CTTNBP2: variants seen among roughly 807,000 people sequenced by gnomAD.
CTTNBP2 encodes cortactin binding protein 2.
Under a neutral mutation model 156.9 loss-of-function variants are expected in CTTNBP2, and 108 were observed. That is an observed-to-expected ratio of 0.69 (90% CI 0.59 to 0.81). The LOEUF (loss-of-function observed/expected upper bound fraction) is 0.81. Ranked by LOEUF, CTTNBP2 falls within the 30% of genes least tolerant of loss-of-function variation. CTTNBP2 has a pLI of 0.00. For synonymous variants in CTTNBP2, 767 were observed against 751.8 expected (o/e 1.02, Z -0.33); for missense variants, 1,924 against 2,035.4 (o/e 0.95, Z 1.05).
At chr7:117,853,869 T>C (rs1803089339) in intron 2 of CTTNBP2, among the ~76,000 whole-genome samples, 1 of 152,208 alleles carries the variant, frequency 6.6e-6, no homozygotes, top group Admixed American at 6.5e-5. Context: ...ATGGTGATCA[T>C]AAACATTTTG....
At chr7:117,732,083 T>C (rs1795433262) in intron 16 of CTTNBP2, among the ~76,000 whole-genome samples, 1 of 152,166 alleles carries the variant, frequency 6.6e-6, no homozygotes, top group South Asian at 2.1e-4. Context: ...TATGTTCACC[T>C]GGTATTAATG....
intron 3 of CTTNBP2, among the ~76,000 whole-genome samples, chr7:117,800,068 C>G (rs1799528974): frequency 1.3e-5 from 2 of 151,418 alleles, no homozygotes; most frequent in African/African-American, 4.8e-5. Flanking sequence ...GATGTCAGTT[C>G]TCACAAAATT....
At position 117,711,656 on chromosome 7, in the gene CTTNBP2, G is replaced by A. The variant is rs1794062784; in HGVS notation, c.4873C>T (p.Gln1625Ter). 2 of 1,613,920 alleles carry A rather than the reference G, an allele frequency of 1.2e-6. No individual in the cohort carries two copies. Among genetic ancestry groups the A allele is most frequent in the Non-Finnish European group, 1.7e-6 (2 of 1,179,928 alleles). The change falls in exon 23 of 23, where the codon CAG becomes TAG. Residue 1625 changes from glutamine (Q) to a stop codon, truncating the protein, a stop_gained. Transcript: ENST00000160373. LOFTEE classifies it high-confidence loss of function. ...CTGCTGCTGCTTCTTTTGGTGTTCT[G>A]GGAACACTGGGTGACTTTACTTCTA... ...VPRSKVTQCS[Q>*]NTKRSSSSSN...
At chr7:117,761,751 G>T (rs1177466259) in intron 9 of CTTNBP2, among the ~76,000 whole-genome samples, 2 of 152,098 alleles carry the variant, frequency 1.3e-5, no homozygotes, top group Non-Finnish European at 2.9e-5. Context: ...TGCATCAAAG[G>T]TATGTTTTTT....
intron 1 of CTTNBP2, among the ~76,000 whole-genome samples, chr7:117,863,010 T>A (rs1352119541): frequency 6.6e-6 from 1 of 152,206 alleles, no homozygotes. Flanking sequence ...TCAGCCAACA[T>A]GAACACTGGT....
chr7:117,835,730 C>T (rs35570750), intron 2 of CTTNBP2, among the ~76,000 whole-genome samples: 1,729 of 152,242 alleles, frequency 0.011, 36 homozygotes, highest in African/African-American at 0.039. Flanking sequence ...AGGGTCTGGT[C>T]GTGCATCTGG....
intron 4 of CTTNBP2, among the ~76,000 whole-genome samples, chr7:117,789,997 A>G (rs986361727): frequency 6.6e-6 from 1 of 152,200 alleles, no homozygotes. Flanking sequence ...TGCTGTCATC[A>G]CCTGATAATT....
intron 21 of CTTNBP2, among the ~76,000 whole-genome samples, chr7:117,718,672 G>C (rs1347296782): frequency 1.3e-5 from 2 of 152,132 alleles, no homozygotes; most frequent in African/African-American, 4.8e-5. Flanking sequence ...TGAGATTTCA[G>C]GTCACTGTTT....
chr7:117,789,810 A>T (rs1343046240), intron 4 of CTTNBP2, among the ~76,000 whole-genome samples: 1 of 152,168 alleles, frequency 6.6e-6, no homozygotes, highest in Non-Finnish European at 1.5e-5. Flanking sequence ...GTAGCAAAAG[A>T]AGTCACCAAA....
intron 6 of CTTNBP2, 64 bp downstream of exon 6, chr7:117,782,798 C>T (rs1185405897): frequency 2.0e-5 from 21 of 1,076,336 alleles, no homozygotes; most frequent in South Asian, 4.2e-5. Context: ...AACTAAAATA[C>T]GTGTGCAAAT....
In CTTNBP2 at chr7:117,760,584, T is replaced by C. The variant is rs1410560559; in HGVS notation, c.3023A>G (p.Asp1008Gly). 6.2e-7 allele frequency: 1 copy of C among 1,614,114 alleles called. No homozygotes were observed. Among genetic ancestry groups the C allele is most frequent in the South Asian group, 1.1e-5 (1 of 91,082 alleles). The change falls in exon 10 of 23, where the codon GAT (aspartate) becomes GGT (glycine). Residue 1008 changes from aspartate (D) to glycine (G), a missense_variant. By Grantham distance (94) the Asp-to-Gly change is moderately conservative. Transcript: ENST00000160373. Reference protein sequence around the residue: ...LNIRKQTSWDDFSKAVSQALT... With the variant: ...LNIRKQTSWDGFSKAVSQALT... ...AGCTTGACTCACTGCTTTTGAAAAA[T>C]CATCCCATGATGTCTGTTTGCGGAT...
chr7:117,786,224 T>C (rs1416103423), intron 4 of CTTNBP2, among the ~76,000 whole-genome samples: 3 of 152,146 alleles, frequency 2.0e-5, no homozygotes, highest in Non-Finnish European at 4.4e-5. Context: ...ATTATTTGGG[T>C]CTATGAATAA....
intron 2 of CTTNBP2, among the ~76,000 whole-genome samples, chr7:117,814,681 G>T (rs1328267443): frequency 1.3e-5 from 2 of 152,172 alleles, no homozygotes; most frequent in East Asian, 3.9e-4. Context: ...TCCTGCCTCA[G>T]CCTCACAAAG....
rs1288851732 is a variant in CTTNBP2, at chr7:117,735,008, C to T, written c.3781G>A (p.Val1261Met). ...TGCACCCAGCGGAAATGCTGCTGCA[C>T]CAGCAAGTCGGAGCCCTGGAGACAG... ...KACLQGSDLL[V>M]QQHFRWVQLR... Residue 1261 changes from valine to methionine, a missense_variant, in exon 16 of 23, where the codon GTG (valine) becomes ATG (methionine). By Grantham distance (21) the Val-to-Met change is conservative (BLOSUM62 1). Coordinates refer to ENST00000160373, the MANE Select transcript of CTTNBP2 (RefSeq NM_033427.3). 5.6e-6 allele frequency: 9 copies of T among 1,614,112 alleles called. No individual in the cohort carries two copies. The highest frequency in any genetic ancestry group is 7.6e-6 in the Non-Finnish European group (9 of 1,179,932).
chr7:117,734,898 C>A lies in CTTNBP2; in HGVS notation c.3876+15G>T. On this transcript the variant is annotated intron_variant, in intron 16 of 22. Coordinates refer to ENST00000160373, the MANE Select transcript of CTTNBP2 (RefSeq NM_033427.3). ...CCTGCTCTCCTGGCAACAGGCTGCA[C>A]TTGCTGTTTGTTACCTTATTCACAA... is the stretch of plus-strand genomic sequence containing the variant. 1 of 1,569,004 alleles carries A rather than the reference C, an allele frequency of 6.4e-7. No homozygotes were observed. The highest frequency in any genetic ancestry group is 8.7e-7 in the Non-Finnish European group (1 of 1,152,654).
At chr7:117,721,411 AC>A (rs1017898544) in intron 19 of CTTNBP2, among the ~76,000 whole-genome samples, 26 of 152,312 alleles carry the variant, frequency 1.7e-4, no homozygotes, top group African/African-American at 6.3e-4. Context: ...CCTGAATTTC[AC>A]TTTTATGGAT....
Position 117,792,279 on chromosome 7 carries a change from G to A in CTTNBP2, c.917C>T (p.Ala306Val), listed in dbSNP as rs1799074278. The A allele has an allele frequency of 6.2e-7, 1 of 1,614,186 alleles. No homozygotes were observed. Residue 306 changes from alanine (A) to valine (V), a missense_variant, in exon 4 of 23, where the codon GCA becomes GTA. Ala to Val is a moderately conservative substitution (Grantham distance 64). Coordinates refer to ENST00000160373, the MANE Select transcript of CTTNBP2 (RefSeq NM_033427.3). This position sits in a 1 kb window ranked among gnomAD's most constrained non-coding sequence, Gnocchi z 4.2. ...GTEGTVTRSVACQTDLVTENA... is the reference protein window; with the variant it reads ...GTEGTVTRSVVCQTDLVTENA... ...TTCTGTCACTAGGTCTGTCTGGCAT[G>A]CAACAGACCTTGTCACAGTTCCTTC...
intron 2 of CTTNBP2, among the ~76,000 whole-genome samples, chr7:117,837,771 T>C (rs908087864): frequency 1.3e-5 from 2 of 152,166 alleles, no homozygotes; most frequent in Admixed American, 1.3e-4. Flanking sequence ...TGGCATCATG[T>C]TGGTACTCAA....
intron 3 of CTTNBP2, among the ~76,000 whole-genome samples, chr7:117,803,568 G>A (rs536499973): frequency 1.3e-5 from 2 of 152,130 alleles, no homozygotes; most frequent in African/African-American, 4.8e-5. Context: ...TCAAAATAAA[G>A]TTTAAAAATG....
Sources: gnomAD v4.1 joint callset for allele counts (sites outside exome capture counted in the v4.1 genomes callset) on GRCh38, gnomAD v4.1.1 for gene constraint, Gnocchi (gnomAD v3.1) non-coding constraint, MANE v1.5 for transcripts, NCBI Gene and HGNC (gene_info 2026-07-23, HGNC 2026-07-21) for gene names.